Variants in DST observed in about 807,000 individuals in gnomAD.
DST encodes dystonin.
Under a neutral mutation model 875.2 loss-of-function variants are expected in DST, and 253 were observed. The ratio of observed to expected loss-of-function variants is 0.29; its 90% CI spans 0.26 to 0.32. DST has a LOEUF of 0.32. Among genes scored for constraint, DST ranks in the 10% least tolerant of loss-of-function variants. The pLI, the probability that DST is intolerant of heterozygous loss-of-function variation, is 1.00. For missense variants in DST, 8,287 were observed against 9,111.6 expected, an observed-to-expected ratio of 0.91 and a Z score of 3.68; for synonymous variants, 3,124 against 3,197.1, an observed-to-expected ratio of 0.98 and a Z score of 0.77.
chr6:56,848,533 C>T (rs2099809625), intron 4 of DST, among the ~76,000 whole-genome samples: 2 of 152,110 alleles, frequency 1.3e-5, no homozygotes, highest in African/African-American at 4.8e-5. Flanking sequence ...GTATCTACAG[C>T]ACCAAATTCC....
chr6:56,704,385 C>T lies in DST; in HGVS notation c.688-16G>A. 7.4e-7 allele frequency: 1 copy of T among 1,351,120 alleles called. No individual in the cohort carries two copies. Among genetic ancestry groups the T allele is most frequent in the Non-Finnish European group, 1.0e-6 (1 of 977,858 alleles). The allele number at this position is 1,351,120 out of a possible 1,614,324, so 83.7% of individuals were successfully genotyped here. A position where few individuals can be genotyped will look rare whatever the true frequency, so the allele number is the denominator to read the frequency against. The stretch of plus-strand genomic sequence containing the variant: ...GTTTTCGAACCTATAAAGAGAAAAG[C>T]AAAATTTGGGGTCCTAGAACTCAGA... On this transcript the variant is annotated splice_polypyrimidine_tract_variant and intron_variant, in intron 5 of 103. Transcript: ENST00000680361.
intron 4 of DST, among the ~76,000 whole-genome samples, chr6:56,779,896 C>A (rs570603252): frequency 1.5e-4 from 17 of 115,014 alleles, no homozygotes; most frequent in African/African-American, 5.9e-4. Context: ...CCATAACATT[C>A]CCCAGAGTGT....
At chr6:56,516,106 G>GTA (rs538292640) in intron 71 of DST, among the ~76,000 whole-genome samples, 40 of 146,146 alleles carry the variant, frequency 2.7e-4, no homozygotes, top group Admixed American at 4.7e-4. Flanking sequence ...ATGTGTGTGT[G>GTA]TATATATATA....
In DST at chr6:56,902,170, C is replaced by T. The variant is rs1459824053; in HGVS notation, c.217-1549G>A. On this transcript the variant is annotated intron_variant, in intron 2 of 103. Coordinates refer to ENST00000680361, the MANE Select transcript of DST (RefSeq NM_001374736.1). ...GTGGAGTATTTACAACAATAAGAAA[C>T]GTTATTTGATAATGTGCTGGTATGA... Among the ~76,000 whole-genome samples the T allele has an allele frequency of 3.3e-5, 5 of 152,074 alleles. No individual in the cohort carries two copies. In the East Asian group the frequency reaches 7.7e-4, roughly 23 times the overall value.
At position 56,903,024 on chromosome 6, in the gene DST, CTAAGAA is replaced by C. The variant is rs1383092659; in HGVS notation, c.217-2409_217-2404del. Among the ~76,000 whole-genome samples, 16 of 151,254 alleles carry C rather than the reference CTAAGAA, an allele frequency of 1.1e-4. No individual in the cohort carries two copies. In the East Asian group the frequency reaches 3.1e-3, roughly 29 times the overall value. On this transcript the variant is annotated intron_variant, in intron 2 of 103. Coordinates refer to ENST00000680361, the MANE Select transcript of DST (RefSeq NM_001374736.1). ...TGATAATTTTTCTACACTTTGAAGA[CTAAGAA>C]TCTCTAGGAACCAGAGTTTAGTTTG...
At chr6:56,826,796 C>A (rs2099780968) in intron 4 of DST, among the ~76,000 whole-genome samples, 1 of 152,174 alleles carries the variant, frequency 6.6e-6, no homozygotes, top group African/African-American at 2.4e-5. Flanking sequence ...TATCTTTGCA[C>A]TTAAATTCTA....
intron 51 of DST, 112 bp downstream of exon 51, chr6:56,573,567 A>G: frequency 1.3e-6 from 1 of 769,660 alleles, no homozygotes; most frequent in Non-Finnish European, 2.1e-6. Flanking sequence ...CATATTCAGT[A>G]AATGTCTCTT....
intron 4 of DST, among the ~76,000 whole-genome samples, chr6:56,767,651 AAAT>A (rs1564076884): frequency 8.7e-5 from 13 of 150,166 alleles, no homozygotes; most frequent in Admixed American, 5.3e-4. Context: ...ATAAATAAAT[AAAT>A]AAAACAAATA....
In DST at chr6:56,608,834, T is replaced by A. The variant is rs1425461361; in HGVS notation, c.5794A>T (p.Ile1932Leu). The A allele has an allele frequency of 1.2e-6, 2 of 1,612,436 alleles. No individual in the cohort carries two copies. The highest frequency in any genetic ancestry group is 2.2e-5 in the South Asian group (2 of 90,954). Residue 1932 changes from isoleucine to leucine, a missense_variant, in exon 40 of 104, where the codon ATA (isoleucine) becomes TTA (leucine). Ile to Leu is a conservative substitution (Grantham distance 5, BLOSUM62 2). This residue lies in a region of DST where 3,138 missense variants were observed against 3,116.6 expected (regional missense o/e 1.01). Coordinates refer to ENST00000680361, the MANE Select transcript of DST (RefSeq NM_001374736.1). ...DPCTSEKVSL[I>L]DMVQRSTLQE... ...AAAGTACTTCTTTGTACCATATCTA[T>A]TAAAGAAACCTTCTCAGAGGTGCAG...
chr6:56,670,938 T>TA (rs2099098025), intron 9 of DST, 131 bp from the exon 10 acceptor site: 1 of 536,842 alleles, frequency 1.9e-6, no homozygotes, highest in Admixed American at 3.8e-5. Context: ...ATGAGATTGT[T>TA]AAGAGATTTG....
intron 10 of DST, among the ~76,000 whole-genome samples, chr6:56,661,006 T>C (rs761812847): frequency 7.5e-6 from 1 of 133,004 alleles, no homozygotes; most frequent in Non-Finnish European, 1.5e-5. Flanking sequence ...ATCAATCCCA[T>C]TAACAGCCTA....
chr6:56,494,252 T>C, intron 82 of DST, 72 bp from the exon 83 acceptor site: 1 of 1,415,206 alleles, frequency 7.1e-7, no homozygotes, highest in Non-Finnish European at 9.5e-7. Context: ...TTCTAGGTCA[T>C]CAGTCCCAAG....
intron 72 of DST, among the ~76,000 whole-genome samples, chr6:56,514,645 CATG>C (rs2096555789): frequency 6.7e-6 from 1 of 149,276 alleles, no homozygotes; most frequent in Non-Finnish European, 1.5e-5. Flanking sequence ...ACATGCACAC[CATG>C]ATTAGTCTCA....
intron 46 of DST, 148 bp downstream of exon 46, chr6:56,598,328 C>T: frequency 1.8e-6 from 1 of 541,342 alleles, no homozygotes; most frequent in Non-Finnish European, 3.0e-6. Flanking sequence ...TTTTGTAGTA[C>T]TTGGTCAATT....
At chr6:56,486,092 A>G (rs9396218) in intron 87 of DST, among the ~76,000 whole-genome samples, 48,311 of 152,018 alleles carry the variant, frequency 0.32, 7,924 homozygotes, top group Middle Eastern at 0.44. Context: ...GGCCAGGCGC[A>G]GTGGCTCACG....
chr6:56,853,385 A>G (rs1016805398), intron 3 of DST, among the ~76,000 whole-genome samples: 3 of 152,312 alleles, frequency 2.0e-5, no homozygotes, highest in South Asian at 4.1e-4. Flanking sequence ...CTGAAAATCC[A>G]TCTTGAGCTT....
intron 3 of DST, among the ~76,000 whole-genome samples, chr6:56,886,776 CAAAA>C (rs35735421): frequency 2.4e-5 from 2 of 82,224 alleles, no homozygotes; most frequent in African/African-American, 4.5e-5. Flanking sequence ...AACTCAGTCT[CAAAA>C]AAAAAAAAAA....
At chr6:56,658,021 C>G (rs903824841) in intron 10 of DST, among the ~76,000 whole-genome samples, 9 of 151,930 alleles carry the variant, frequency 5.9e-5, no homozygotes, top group African/African-American at 1.9e-4. Context: ...TCGCCTCGGC[C>G]CCCCCAACTG....
In DST at chr6:56,720,127, G is replaced by A. The variant is rs546257179; in HGVS notation, c.687+15101C>T. ...GAGTTTATTTCATCCCTACAGTTTC[G>A]ACCATAGAAGACGGCCACACCCAAG... On this transcript the variant is annotated intron_variant, in intron 5 of 103. Transcript: ENST00000680361. Among the ~76,000 whole-genome samples the A allele has an allele frequency of 3.9e-5, 6 of 152,190 alleles. No individual in the cohort carries two copies. The East Asian group carries it at 5.8e-4, about 15-fold the overall frequency.
Sources: allele counts gnomAD v4.1 joint callset (sites outside exome capture counted in the v4.1 genomes callset), GRCh38; gene constraint gnomAD v4.1.1; regional missense constraint gnomAD v4.1.1; transcripts MANE v1.5; gene names NCBI Gene and HGNC (gene_info 2026-07-23, HGNC 2026-07-21).